ATRX: variants seen among roughly 807,000 people sequenced by gnomAD.
ATRX encodes ATRX chromatin remodeler, also known as chromatin remodeler ATRX.
ATRX carries 12 observed loss-of-function variants against 172.6 expected under a neutral mutation model. The observed-to-expected ratio is 0.07, with a 90% CI of 0.04 to 0.11. The LOEUF is 0.11. ATRX is among the 10% of genes least tolerant of loss of function. The probability of loss-of-function intolerance (pLI) is 1.00; values close to 1 mark genes in which losing one functional copy is unlikely to be tolerated. For missense variants in ATRX, 1,368 were observed against 1,767.4 expected (o/e 0.77, Z 4.05); for synonymous variants, 674 against 594.7 (o/e 1.13, Z -1.94).
At chrX:77,772,093 G>A (rs781852489) in intron 1 of ATRX, among the ~76,000 whole-genome samples, 15 of 110,757 alleles carry the variant, frequency 1.4e-4, no homozygotes, top group African/African-American at 4.6e-4. Flanking sequence ...TCAGGAGTTC[G>A]AGACCATCCT....
In ATRX at chrX:77,585,561, G is replaced by A. The variant is rs1346952191; in HGVS notation, c.6217+4273C>T. Among the ~76,000 whole-genome samples, 3 of 68,711 alleles carry A rather than the reference G, an allele frequency of 4.4e-5. No homozygotes were observed. In the East Asian group the frequency reaches 1.6e-3, roughly 37 times the overall value. 59.7% of individuals were successfully genotyped at this position (68,711 alleles called of 115,157 possible). On this transcript the variant is annotated intron_variant, in intron 27 of 34. Transcript: ENST00000373344. ...ACTGCACTCCAGCCTGGGTGACAGA[G>A]CAAGACCTTGTCTCCCCCCACCAAA...
chrX:77,684,880 T>C, intron 8 of ATRX, 59 bp downstream of exon 8: 2 of 1,001,737 alleles, frequency 2.0e-6, no homozygotes, highest in Non-Finnish European at 1.4e-6. Flanking sequence ...TAAATGATTA[T>C]GTAACAATTC....
intron 30 of ATRX, among the ~76,000 whole-genome samples, chrX:77,544,953 T>C (rs2064178616): frequency 9.0e-6 from 1 of 111,105 alleles, no homozygotes; most frequent in Non-Finnish European, 1.9e-5. Context: ...CATCAAAAAG[T>C]GGGCAAAGGA....
intron 10 of ATRX, among the ~76,000 whole-genome samples, chrX:77,672,427 T>C (rs1406189600): frequency 9.1e-6 from 1 of 110,271 alleles, no homozygotes; most frequent in Non-Finnish European, 1.9e-5. Flanking sequence ...TTCTTAGGCA[T>C]AAATAACATC....
intron 30 of ATRX, among the ~76,000 whole-genome samples, chrX:77,545,542 C>T (rs1018899047): frequency 9.0e-6 from 1 of 110,918 alleles, no homozygotes; most frequent in Non-Finnish European, 1.9e-5. Flanking sequence ...GAAAAAATAA[C>T]TCAGTATAAA....
intron 6 of ATRX, 136 bp from the exon 7 acceptor site, chrX:77,689,063 T>TA (rs2071739545): frequency 3.9e-6 from 2 of 515,705 alleles, no homozygotes; most frequent in East Asian, 7.1e-5. Context: ...TGGACACAAG[T>TA]AAAAAAGGTT....
In ATRX at chrX:77,772,848, A is replaced by AT. The variant is rs782051290; in HGVS notation, c.20+13133dup. 9.8e-3 allele frequency among the ~76,000 whole-genome samples: 964 copies of AT among 98,469 alleles called. 6 individuals are homozygous for AT. Among genetic ancestry groups the AT allele is most frequent in the Middle Eastern group, 0.02 (4 of 198 alleles). 85.5% of individuals were successfully genotyped at this position (98,469 alleles called of 115,157 possible). A position where few individuals can be genotyped will look rare whatever the true frequency, so the allele number is the denominator to read the frequency against. On this transcript the variant is annotated intron_variant, in intron 1 of 34. Coordinates refer to ENST00000373344, the MANE Select transcript of ATRX (RefSeq NM_000489.6). ...TTGTGGTATGTGTATTTCACCACCA[A>AT]TTTTTTTTTTTTTTTGAGAGACGGG...
intron 12 of ATRX, among the ~76,000 whole-genome samples, chrX:77,656,935 A>C (rs1557120155): frequency 8.9e-6 from 1 of 112,153 alleles, no homozygotes; most frequent in African/African-American, 3.2e-5. Flanking sequence ...ATTACCTGTC[A>C]ATAAAATATA....
chrX:77,740,566 T>C (rs1286228762), intron 1 of ATRX, among the ~76,000 whole-genome samples: 1 of 110,796 alleles, frequency 9.0e-6, no homozygotes, highest in African/African-American at 3.3e-5. Flanking sequence ...CCGAGGCTTA[T>C]AGCCTTCCTG....
intron 7 of ATRX, among the ~76,000 whole-genome samples, chrX:77,686,647 G>A (rs2071576195): frequency 3.6e-5 from 4 of 110,990 alleles, no homozygotes; most frequent in South Asian, 3.8e-4. Context: ...ACCCTGAGGC[G>A]GAGGTTGCAG....
At chrX:77,619,459 A>G (rs938393897) in intron 20 of ATRX, among the ~76,000 whole-genome samples, 7 of 111,251 alleles carry the variant, frequency 6.3e-5, no homozygotes, top group Admixed American at 9.6e-5. Flanking sequence ...TCAAATAATA[A>G]CAACTGTTAT....
At chrX:77,581,656 C>T (rs2065827982) in intron 27 of ATRX, among the ~76,000 whole-genome samples, 1 of 111,941 alleles carries the variant, frequency 8.9e-6, no homozygotes, top group Admixed American at 9.4e-5. Context: ...AACTAAGAAA[C>T]ATCACACTTT....
At chrX:77,527,769 A>G (rs1557044428) in intron 30 of ATRX, among the ~76,000 whole-genome samples, 1 of 111,847 alleles carries the variant, frequency 8.9e-6, no homozygotes, top group East Asian at 2.8e-4. Context: ...CCAACAGCAG[A>G]GGGCTGAAGT....
At chrX:77,539,631 T>C (rs1310114097) in intron 30 of ATRX, among the ~76,000 whole-genome samples, 1 of 110,757 alleles carries the variant, frequency 9.0e-6, no homozygotes, top group Non-Finnish European at 1.9e-5. Flanking sequence ...GCAGAAATCC[T>C]ACAAGCCAGA....
chrX:77,596,165 GT>G (rs1438201884), intron 25 of ATRX: 1 of 111,488 alleles, frequency 9.0e-6, no homozygotes, highest in Non-Finnish European at 1.9e-5. Context: ...AAATCATATT[GT>G]AGCTCAATTA....
At chrX:77,743,898 T>C (rs1003977706) in intron 1 of ATRX, among the ~76,000 whole-genome samples, 12 of 112,056 alleles carry the variant, frequency 1.1e-4, no homozygotes, top group Admixed American at 4.7e-4. Context: ...ATCACTACCA[T>C]TGAAACCTAA....
At chrX:77,570,724 A>T (rs1192036376) in intron 28 of ATRX, among the ~76,000 whole-genome samples, 1 of 111,947 alleles carries the variant, frequency 8.9e-6, no homozygotes, top group Admixed American at 9.5e-5. Flanking sequence ...CATCAAAATT[A>T]AAATCTTTGT....
intron 27 of ATRX, among the ~76,000 whole-genome samples, chrX:77,582,660 A>G (rs2065868134): frequency 8.9e-6 from 1 of 111,857 alleles, no homozygotes; most frequent in Admixed American, 9.5e-5. Flanking sequence ...GAAAATAAAG[A>G]TATTACAACT....
At chrX:77,781,913 C>A (rs2076583204) in intron 1 of ATRX, among the ~76,000 whole-genome samples, 1 of 112,226 alleles carries the variant, frequency 8.9e-6, no homozygotes, top group South Asian at 3.6e-4. Flanking sequence ...AAGACACATA[C>A]AATTACTTAT....
Sources: gnomAD v4.1 joint callset for allele counts (sites outside exome capture counted in the v4.1 genomes callset) on GRCh38, gnomAD v4.1.1 for gene constraint, MANE v1.5 for transcripts, NCBI Gene and HGNC (gene_info 2026-07-23, HGNC 2026-07-21) for gene names.